Variants in COL6A2 observed in about 807,000 individuals in gnomAD.
COL6A2 encodes the protein collagen alpha-2(VI) chain.
In COL6A2, 90 loss-of-function variants were observed where a neutral mutation model predicts 124.9. That is an observed-to-expected ratio of 0.72 (90% confidence interval 0.61 to 0.86). The LOEUF is 0.86. COL6A2 is among the 40% of genes least tolerant of loss of function. The pLI is 0.00. For missense variants in COL6A2, 1,607 were observed against 1,502.5 expected (o/e 1.07, Z -1.15); for synonymous variants, 793 against 618.2 (o/e 1.28, Z -4.19).
Position 46,122,192 on chromosome 21 carries a change from G to A in COL6A2, c.1572+34G>A, listed in dbSNP as rs766531850. On this transcript the variant is annotated intron_variant, in intron 19 of 27. Coordinates refer to ENST00000300527, the MANE Select transcript of COL6A2 (RefSeq NM_001849.4). ...CAGCCTGGGATGGCAGCTCCCAGGA[G>A]TGGGTGGACATTGTCCCAAGGGCCC... 1.9e-6 allele frequency: 3 copies of A among 1,609,140 alleles called. No individual in the cohort carries two copies. In the East Asian group the frequency reaches 6.7e-5, roughly 36 times the overall value.
chr21:46,130,543 C>CAGG (rs530039669), intron 27 of COL6A2, among the ~76,000 whole-genome samples: 1 of 152,020 alleles, frequency 6.6e-6, no homozygotes, highest in Non-Finnish European at 1.5e-5. Flanking sequence ...GGATCCTCCA[C>CAGG]AGGAGGAGGA....
At chr21:46,121,752 G>A (rs887509323) in intron 18 of COL6A2, 134 bp downstream of exon 18, 26 of 867,960 alleles carry the variant, frequency 3.0e-5, no homozygotes, top group Admixed American at 2.3e-4. Flanking sequence ...CCTGTTCTCA[G>A]CTCTGGAGTG....
At chr21:46,119,549 G>T (rs1156467421) in intron 14 of COL6A2, among the ~76,000 whole-genome samples, 1 of 152,208 alleles carries the variant, frequency 6.6e-6, no homozygotes, top group Non-Finnish European at 1.5e-5. Context: ...AGCCTCCCCA[G>T]ATCATTCCTA....
At position 46,117,890 on chromosome 21, in the gene COL6A2, C is replaced by CCG; in HGVS notation, c.1070_1071insCG (p.Glu359GlyfsTer50). ...CTCTCTCAGGGCCCCGACGGTTACC[C>CCG]GGGGGAAGCAGGGAGTCCAGGGGAG... On this transcript the variant is annotated frameshift_variant, in exon 12 of 28. Transcript: ENST00000300527. LOFTEE classifies it high-confidence loss of function. 1 of 1,612,410 alleles carries CCG rather than the reference C, an allele frequency of 6.2e-7. No homozygotes were observed. Among genetic ancestry groups the CCG allele is most frequent in the Non-Finnish European group, 8.5e-7 (1 of 1,179,720 alleles).
chr21:46,118,861 C>A (rs1366211497), intron 13 of COL6A2, among the ~76,000 whole-genome samples, 169 bp from the exon 14 acceptor site: 1 of 152,204 alleles, frequency 6.6e-6, no homozygotes, highest in East Asian at 1.9e-4. Context: ...TGACCTGTGC[C>A]CTCCTCACGA....
At chr21:46,112,720 C>A in intron 3 of COL6A2, 84 bp from the exon 4 acceptor site, 1 of 1,602,818 alleles carries the variant, frequency 6.2e-7, no homozygotes, top group South Asian at 1.1e-5. Flanking sequence ...ACTCAGGTGT[C>A]CCTCCATCCC....
Position 46,126,143 on chromosome 21 carries a change from C to G in COL6A2, c.2328C>G (p.Ala776=). The G allele has an allele frequency of 6.2e-7, 1 of 1,611,186 alleles. No homozygotes were observed. Residue 776 remains alanine, a synonymous_variant, in exon 26 of 28, where the codon GCC becomes GCG. Coordinates refer to ENST00000300527, the MANE Select transcript of COL6A2 (RefSeq NM_001849.4). ...KHESENLYSI[A]CDKPQQVRNM... ...AGAGTGAAAACCTCTACTCCATCGC[C>G]TGCGACAAGCCACAGCAGGTGCGCA... is the stretch of plus-strand genomic sequence containing the variant.
rs2123637605 is a variant in COL6A2, at chr21:46,119,117, C to T, written c.1267C>T (p.Pro423Ser). The change falls in exon 14 of 28, where the codon CCG (proline) becomes TCG (serine). Residue 423 changes from proline (P) to serine (S), a missense_variant and splice_region_variant. This residue lies in a region of COL6A2 where 1,223 missense variants were observed against 1,052.2 expected (regional missense o/e 1.16). Transcript: ENST00000300527. The stretch of plus-strand genomic sequence containing the variant: ...TGGGCCCCGCGGACCCAAAGGCGAG[C>T]CGGTGAGTCCCTCCTGCCCCTGCCT... ...GPGPRGPKGEPGRRGDPGTKG... is the reference protein window; with the variant it reads ...GPGPRGPKGESGRRGDPGTKG... 1 of 1,609,784 alleles carries T rather than the reference C, an allele frequency of 6.2e-7. No individual in the cohort carries two copies. The highest frequency in any genetic ancestry group is 8.5e-7 in the Non-Finnish European group (1 of 1,178,534).
intron 4 of COL6A2, chr21:46,113,779 C>G: frequency 3.3e-6 from 2 of 606,334 alleles, no homozygotes; most frequent in South Asian, 3.8e-5. Context: ...TTTAAACTTG[C>G]CTAGAACACC....
In COL6A2 at chr21:46,126,208, T is replaced by C; in HGVS notation, c.2393T>C (p.Ile798Thr). Residue 798 changes from isoleucine to threonine, a missense_variant, in exon 26 of 28, where the codon ATC (isoleucine) becomes ACC (threonine). This residue lies in a region of COL6A2 where 1,223 missense variants were observed against 1,052.2 expected (regional missense o/e 1.16). Coordinates refer to ENST00000300527, the MANE Select transcript of COL6A2 (RefSeq NM_001849.4). ...TCCGACCTGGTCGCTGAGAAGTTCA[T>C]CGATGACATGGAGGACGTCCTCTGC... Reference protein sequence around the residue: ...LFSDLVAEKFIDDMEDVLCPD... With the variant: ...LFSDLVAEKFTDDMEDVLCPD... 3 of 1,601,810 alleles carry C rather than the reference T, an allele frequency of 1.9e-6. No individual in the cohort carries two copies. Among genetic ancestry groups the C allele is most frequent in the Non-Finnish European group, 2.5e-6 (3 of 1,179,544 alleles).
At chr21:46,126,425 A>G (rs2078669030) in intron 26 of COL6A2, 78 bp from the exon 27 acceptor site, 3 of 1,587,888 alleles carry the variant, frequency 1.9e-6, no homozygotes, top group East Asian at 4.5e-5. Flanking sequence ...GAGCCTGTCT[A>G]GGCAGATCAG....
Position 46,124,937 on chromosome 21 carries a change from G to A in COL6A2, c.1770+17G>A. 6.2e-7 allele frequency: 1 copy of A among 1,612,866 alleles called. No individual in the cohort carries two copies. The highest frequency in any genetic ancestry group is 1.1e-5 in the South Asian group (1 of 91,086). ...GGTCTCACGGTAGGTGTCACATGGG[G>A]CAGAACCAGTGTCCTTCTCCTGCCA... On this transcript the variant is annotated intron_variant, in intron 23 of 27. Transcript: ENST00000300527.
At chr21:46,098,843 C>G (rs1397624103) in intron 1 of COL6A2, 1 of 152,284 alleles carries the variant, frequency 6.6e-6, no homozygotes, top group Non-Finnish European at 1.5e-5. Context: ...CGACCCGCAG[C>G]CCCTGCCGGG....
chr21:46,116,633 G>A lies in COL6A2; in HGVS notation c.928-18G>A, dbSNP rs376565737. 3.5e-5 allele frequency: 56 copies of A among 1,612,830 alleles called. No homozygotes were observed. The South Asian group carries it at 3.5e-4, about 10-fold the overall frequency. On this transcript the variant is annotated intron_variant, in intron 8 of 27. Transcript: ENST00000300527. The surrounding 1 kb of genome is among the most constrained non-coding windows in gnomAD (Gnocchi z 4.6). ...TTTGAGGCACCGAGCTCACTGCGCC[G>A]GCTTTCCTCCTACACAGGGTGAATT... is the stretch of plus-strand genomic sequence containing the variant.
intron 27 of COL6A2, chr21:46,129,202 C>G (rs371996535): frequency 6.2e-7 from 1 of 1,612,888 alleles, no homozygotes; most frequent in South Asian, 1.1e-5. Context: ...GCAGATGCAC[C>G]GTGGCCTGGC....
rs756078022 is a variant in COL6A2, at chr21:46,122,950, G to A, written c.1671+13G>A. On this transcript the variant is annotated intron_variant, in intron 21 of 27. Coordinates refer to ENST00000300527, the MANE Select transcript of COL6A2 (RefSeq NM_001849.4). ...GAAAGGAGAGCCTGTGAGTGTCACC[G>A]TCCCGAAGCCCACAGCAGCTGGGCA... 75 of 1,612,206 alleles carry A rather than the reference G, an allele frequency of 4.7e-5. No individual in the cohort carries two copies. Among genetic ancestry groups the A allele is most frequent in the Non-Finnish European group, 5.2e-5 (61 of 1,179,398 alleles).
chr21:46,116,633 G>T lies in COL6A2; in HGVS notation c.928-18G>T. 1.9e-6 allele frequency: 3 copies of T among 1,612,948 alleles called. No individual in the cohort carries two copies. In the South Asian group the frequency reaches 3.3e-5, roughly 18 times the overall value. On this transcript the variant is annotated intron_variant, in intron 8 of 27. Coordinates refer to ENST00000300527, the MANE Select transcript of COL6A2 (RefSeq NM_001849.4). The surrounding 1 kb of genome is among the most constrained non-coding windows in gnomAD (Gnocchi z 4.6). ...TTTGAGGCACCGAGCTCACTGCGCC[G>T]GCTTTCCTCCTACACAGGGTGAATT...
chr21:46,099,212 G>A (rs1437696808), intron 1 of COL6A2: 1 of 152,604 alleles, frequency 6.6e-6, no homozygotes, highest in Non-Finnish European at 1.5e-5. Flanking sequence ...AACACTTGGG[G>A]AGGCCGAGGC....
chr21:46,129,077 C>G (rs1404687826), intron 27 of COL6A2: 4 of 1,599,472 alleles, frequency 2.5e-6, no homozygotes, highest in Non-Finnish European at 3.4e-6. Context: ...TTTCCTCTAC[C>G]GACTCGCCAG....
Sources: allele counts gnomAD v4.1 joint callset (sites outside exome capture counted in the v4.1 genomes callset), GRCh38; gene constraint gnomAD v4.1.1; regional missense constraint gnomAD v4.1.1; non-coding constraint Gnocchi (gnomAD v3.1); transcripts MANE v1.5; gene names NCBI Gene and HGNC (gene_info 2026-07-23, HGNC 2026-07-21).